The following ADAMTS12 variants were observed in gnomAD, a reference collection of about 807,000 sequenced individuals.
ADAMTS12 encodes A disintegrin and metalloproteinase with thrombospondin motifs 12.
In ADAMTS12, 118 loss-of-function variants were observed where a neutral mutation model predicts 167.8. That is an observed-to-expected ratio of 0.70 (90% CI 0.61 to 0.82). The LOEUF is 0.82. ADAMTS12 is among the 40% of genes least tolerant of loss of function. ADAMTS12 has a pLI of 0.00. For missense variants in ADAMTS12, 1,916 were observed against 1,998.8 expected (o/e 0.96, Z 0.79); for synonymous variants, 704 against 716.9 (o/e 0.98, Z 0.29).
chr5:33,571,189 A>G lies in ADAMTS12; in HGVS notation c.3972+4865T>C, dbSNP rs1254758972. Among the ~76,000 whole-genome samples the G allele has an allele frequency of 2.0e-5, 3 of 152,168 alleles. No homozygotes were observed. The East Asian group carries it at 5.8e-4, about 29-fold the overall frequency. On this transcript the variant is annotated intron_variant, in intron 19 of 23. Transcript: ENST00000504830. ...ACTGTCAACATTAGACAGATCAACG[A>G]GACAGAAAGTTAACAAGGATACCCA...
chr5:33,803,566 T>TG (rs762769578), intron 2 of ADAMTS12, among the ~76,000 whole-genome samples: 1 of 152,306 alleles, frequency 6.6e-6, no homozygotes. Context: ...CTATGATTCA[T>TG]GGGAGGTCAG....
intron 3 of ADAMTS12, among the ~76,000 whole-genome samples, chr5:33,724,792 C>A (rs1743921926): frequency 6.6e-6 from 1 of 151,954 alleles, no homozygotes; most frequent in Non-Finnish European, 1.5e-5. Context: ...ACCTTGTGAT[C>A]CACCCGCCTC....
intron 2 of ADAMTS12, among the ~76,000 whole-genome samples, chr5:33,770,508 G>A (rs1223744505): frequency 6.6e-6 from 1 of 152,030 alleles, no homozygotes; most frequent in African/African-American, 2.4e-5. Flanking sequence ...GAGGTTTTGT[G>A]GCAATATAGG....
intron 5 of ADAMTS12, among the ~76,000 whole-genome samples, chr5:33,681,552 C>T (rs1742114057): frequency 6.6e-6 from 1 of 152,094 alleles, no homozygotes. Context: ...TCATGGAAGC[C>T]ATTATCACAT....
chr5:33,673,740 C>T (rs1480281688), intron 5 of ADAMTS12, among the ~76,000 whole-genome samples: 1 of 152,150 alleles, frequency 6.6e-6, no homozygotes, highest in Non-Finnish European at 1.5e-5. Flanking sequence ...CATTTGCAAC[C>T]TCACGGTTTA....
intron 3 of ADAMTS12, among the ~76,000 whole-genome samples, chr5:33,721,935 C>T (rs539589118): frequency 1.3e-5 from 2 of 152,288 alleles, no homozygotes; most frequent in South Asian, 4.2e-4. Context: ...GTGATCTGAG[C>T]CTGAGAGTTC....
rs926202191 is a variant in ADAMTS12 at position 33,679,674 on chromosome 5, A to T, written c.915+3344T>A. 1.7e-4 allele frequency among the ~76,000 whole-genome samples: 26 copies of T among 152,188 alleles called. 1 individual carries two copies. The highest frequency in any genetic ancestry group is 5.8e-4 in the African/African-American group (24 of 41,452). On this transcript the variant is annotated intron_variant, in intron 5 of 23. Coordinates refer to ENST00000504830, the MANE Select transcript of ADAMTS12 (RefSeq NM_030955.4). ...ATCCCAGTACTTCTATACTCATGCC[A>T]ATCTCAACTTGAAATGTGCTATTTT...
chr5:33,735,630 A>G (rs1744343773), intron 3 of ADAMTS12, among the ~76,000 whole-genome samples: 1 of 152,036 alleles, frequency 6.6e-6, no homozygotes, highest in Non-Finnish European at 1.5e-5. Context: ...CTTGATCCCA[A>G]CTGCCCCCTG....
intron 2 of ADAMTS12, among the ~76,000 whole-genome samples, chr5:33,763,103 T>C (rs150929303): frequency 2.0e-5 from 3 of 152,316 alleles, no homozygotes; most frequent in Non-Finnish European, 4.4e-5. Context: ...ATTCAGAATT[T>C]GTAAAGCAAG....
At chr5:33,812,706 T>C (rs76520653) in intron 2 of ADAMTS12, among the ~76,000 whole-genome samples, 1,674 of 152,344 alleles carry the variant, frequency 0.011, 31 homozygotes, top group African/African-American at 0.038. Context: ...CAATGGTTCA[T>C]ATATTTTCCA....
At chr5:33,605,377 G>A (rs1484892749) in intron 16 of ADAMTS12, among the ~76,000 whole-genome samples, 1 of 152,138 alleles carries the variant, frequency 6.6e-6, no homozygotes, top group Non-Finnish European at 1.5e-5. Context: ...ATAAAATGTT[G>A]AGGATGTTCA....
intron 2 of ADAMTS12, among the ~76,000 whole-genome samples, chr5:33,797,737 G>A (rs1746836409): frequency 6.6e-6 from 1 of 152,124 alleles, no homozygotes; most frequent in Non-Finnish European, 1.5e-5. Context: ...AATAAATACT[G>A]ATGTGTTTTC....
chr5:33,546,005 TATTA>T lies in ADAMTS12; in HGVS notation c.4446+50_4446+53del, dbSNP rs549412217. Reference sequence around the variant, plus strand: ...TGCACAGGTACCCTAGAACTTAAAGTATTAAAAAAAAAAAAAAGCTAAAGTAAAA... The same window carrying T: ...TGCACAGGTACCCTAGAACTTAAAGTAAAAAAAAAAAAAGCTAAAGTAAAA... On this transcript the variant is annotated intron_variant, in intron 22 of 23. Transcript: ENST00000504830. 5.7e-5 allele frequency: 84 copies of T among 1,473,254 alleles called. No homozygotes were observed. The African/African-American group carries it at 2.0e-3, about 34-fold the overall frequency. 91.3% of individuals were successfully genotyped at this position (1,473,254 alleles called of 1,614,324 possible).
chr5:33,586,130 C>A (rs567111333), intron 18 of ADAMTS12, among the ~76,000 whole-genome samples: 17 of 152,254 alleles, frequency 1.1e-4, no homozygotes, highest in African/African-American at 4.1e-4. Flanking sequence ...ATGGCTGGAG[C>A]ACTATCCTGC....
chr5:33,548,033 G>A (rs1322626747), intron 21 of ADAMTS12, among the ~76,000 whole-genome samples: 1 of 152,212 alleles, frequency 6.6e-6, no homozygotes, highest in African/African-American at 2.4e-5. Context: ...TAGTGGCCCA[G>A]AGCCTCAGGA....
At chr5:33,549,421 A>G in intron 20 of ADAMTS12, 38 bp from the exon 21 acceptor site, 1 of 1,589,834 alleles carries the variant, frequency 6.3e-7, no homozygotes, top group Non-Finnish European at 8.6e-7. Flanking sequence ...TCTCTGAGTC[A>G]TTGGCATCAG....
chr5:33,576,007 T>C (rs767143559), intron 19 of ADAMTS12, 47 bp downstream of exon 19: 2 of 1,554,484 alleles, frequency 1.3e-6, no homozygotes, highest in Non-Finnish European at 1.7e-6. Flanking sequence ...TTAACACTCC[T>C]AGCTTTTTTC....
chr5:33,810,356 C>G (rs573308797), intron 2 of ADAMTS12, among the ~76,000 whole-genome samples: 81 of 152,194 alleles, frequency 5.3e-4, no homozygotes, highest in Non-Finnish European at 1.0e-3. Context: ...AAGTTTTAAT[C>G]AGGCATAACA....
rs1430438926 is a variant in ADAMTS12, at chr5:33,847,057, AAAAC to A, written c.489+34058_489+34061del. On this transcript the variant is annotated intron_variant, in intron 2 of 23. Transcript: ENST00000504830. ...GCCTCTGATCAAGTTCCAGAAAGGGAAAACAAACAACTTCGTGGGGGTCTGTCCT... is the reference window on the plus strand; with the variant it reads ...GCCTCTGATCAAGTTCCAGAAAGGGAAAACAACTTCGTGGGGGTCTGTCCT... Among the ~76,000 whole-genome samples the A allele has an allele frequency of 3.3e-5, 5 of 152,320 alleles. No individual in the cohort carries two copies. The East Asian group carries it at 9.6e-4, about 29-fold the overall frequency.
Sources: allele counts gnomAD v4.1 joint callset (sites outside exome capture counted in the v4.1 genomes callset), GRCh38; gene constraint gnomAD v4.1.1; transcripts MANE v1.5; gene names NCBI Gene and HGNC (gene_info 2026-07-23, HGNC 2026-07-21).